LYPD6B: variants seen among roughly 807,000 people sequenced by gnomAD.
LYPD6B encodes the protein ly6/PLAUR domain-containing protein 6B.
A neutral mutation model predicts 22.8 loss-of-function variants in LYPD6B; 17 were observed. The observed-to-expected ratio is 0.75, with a 90% CI of 0.51 to 1.12. The LOEUF (loss-of-function observed/expected upper bound fraction) is 1.12, where lower values mean the gene tolerates loss of function less well. Ranked by LOEUF, LYPD6B falls within the 50% of genes most tolerant of loss-of-function variation. The pLI, the probability that LYPD6B is intolerant of heterozygous loss-of-function variation, is 0.00. For synonymous variants in LYPD6B, 106 were observed against 91.6 expected (o/e 1.16, Z -0.90); for missense variants, 221 against 258.3 (o/e 0.86, Z 0.99).
intron 1 of LYPD6B, among the ~76,000 whole-genome samples, chr2:149,089,815 C>T (rs1313522782): frequency 2.0e-5 from 3 of 152,000 alleles, no homozygotes; most frequent in Non-Finnish European, 4.4e-5. Flanking sequence ...TTCAATGGTT[C>T]AATAAAAAAG....
At chr2:149,137,577 T>C (rs925170308) in intron 2 of LYPD6B, among the ~76,000 whole-genome samples, 1 of 152,228 alleles carries the variant, frequency 6.6e-6, no homozygotes, top group Non-Finnish European at 1.5e-5. Flanking sequence ...ACTCATGTGC[T>C]TAGAACCATG....
intron 3 of LYPD6B, chr2:149,188,752 C>T: frequency 1.2e-6 from 1 of 859,324 alleles, no homozygotes; most frequent in Non-Finnish European, 1.4e-6. Flanking sequence ...ACATACTTAC[C>T]TCTAAGATGT....
chr2:149,189,210 C>G (rs900384415), intron 3 of LYPD6B, among the ~76,000 whole-genome samples: 2 of 151,500 alleles, frequency 1.3e-5, no homozygotes, highest in African/African-American at 4.9e-5. Flanking sequence ...CCCAGAACCT[C>G]AAATGTAGTC....
chr2:149,187,841 G>A (rs1692223563), intron 3 of LYPD6B, among the ~76,000 whole-genome samples: 1 of 152,250 alleles, frequency 6.6e-6, no homozygotes, highest in African/African-American at 2.4e-5. Context: ...CAGCCTGTGG[G>A]CCATGGGTTG....
At chr2:149,176,889 C>T (rs1691348065) in intron 3 of LYPD6B, among the ~76,000 whole-genome samples, 1 of 152,154 alleles carries the variant, frequency 6.6e-6, no homozygotes, top group South Asian at 2.1e-4. Flanking sequence ...ATGCTTTAAA[C>T]CAATAATAAC....
At chr2:149,198,206 T>C (rs900347898) in intron 3 of LYPD6B, among the ~76,000 whole-genome samples, 46 of 152,052 alleles carry the variant, frequency 3.0e-4, no homozygotes, top group Non-Finnish European at 2.4e-4. Context: ...CCAGCCGAGC[T>C]AATTTTTGTA....
At chr2:149,087,726 A>G (rs1452559772) in intron 1 of LYPD6B, among the ~76,000 whole-genome samples, 2 of 152,196 alleles carry the variant, frequency 1.3e-5, no homozygotes, top group African/African-American at 2.4e-5. Context: ...AGGAAATTCT[A>G]TAGCCTCTCA....
At chr2:149,198,002 G>C (rs926150959) in intron 3 of LYPD6B, among the ~76,000 whole-genome samples, 5 of 151,688 alleles carry the variant, frequency 3.3e-5, no homozygotes, top group Admixed American at 2.6e-4. Context: ...TTTTTAAAGG[G>C]AGTTTCTAAT....
chr2:149,107,620 C>T (rs1258824202), intron 1 of LYPD6B, among the ~76,000 whole-genome samples: 1 of 152,182 alleles, frequency 6.6e-6, no homozygotes, highest in Non-Finnish European at 1.5e-5. Context: ...TAAACTTCCT[C>T]TTTGATGCCT....
At chr2:149,114,439 A>C (rs548047772) in intron 1 of LYPD6B, among the ~76,000 whole-genome samples, 1 of 152,318 alleles carries the variant, frequency 6.6e-6, no homozygotes, top group Non-Finnish European at 1.5e-5. Flanking sequence ...AAGACCCCAC[A>C]TATCTGAGAG....
At chr2:149,160,093 A>C (rs1020112529) in intron 2 of LYPD6B, among the ~76,000 whole-genome samples, 1 of 152,096 alleles carries the variant, frequency 6.6e-6, no homozygotes, top group Non-Finnish European at 1.5e-5. Context: ...ATTTGAGACT[A>C]CAGTGAGCTA....
At chr2:149,105,382 T>C (rs961850560) in intron 1 of LYPD6B, among the ~76,000 whole-genome samples, 4 of 152,182 alleles carry the variant, frequency 2.6e-5, no homozygotes, top group African/African-American at 7.2e-5. Context: ...GTATGGTGTA[T>C]ATAATGATTA....
chr2:149,202,690 C>G (rs960110599), intron 3 of LYPD6B, among the ~76,000 whole-genome samples: 19 of 152,142 alleles, frequency 1.2e-4, no homozygotes, highest in Admixed American at 1.1e-3. Context: ...ATAACAATAA[C>G]TTGTTATTTA....
At chr2:149,084,213 T>G (rs1685281660) in intron 1 of LYPD6B, among the ~76,000 whole-genome samples, 1 of 152,236 alleles carries the variant, frequency 6.6e-6, no homozygotes, top group Non-Finnish European at 1.5e-5. Context: ...AACCCTGTTT[T>G]TAAGTTTCCT....
At chr2:149,155,954 A>G (rs2105855137) in intron 2 of LYPD6B, among the ~76,000 whole-genome samples, 1 of 152,246 alleles carries the variant, frequency 6.6e-6, no homozygotes, top group South Asian at 2.1e-4. Flanking sequence ...GTTGCTGGTA[A>G]TCTCTTACTC....
intron 1 of LYPD6B, among the ~76,000 whole-genome samples, chr2:149,119,467 G>T (rs917099476): frequency 2.0e-5 from 3 of 152,214 alleles, no homozygotes; most frequent in Non-Finnish European, 1.5e-5. Context: ...TGGGAATGGG[G>T]AAAGTACATT....
chr2:149,073,388 C>T (rs1168647740), intron 1 of LYPD6B, among the ~76,000 whole-genome samples: 2 of 152,198 alleles, frequency 1.3e-5, no homozygotes, highest in Non-Finnish European at 1.5e-5. Flanking sequence ...TTTCCACCCT[C>T]ATGGTGTTTT....
chr2:149,120,727 T>A (rs1228210703), intron 1 of LYPD6B, among the ~76,000 whole-genome samples: 1 of 150,598 alleles, frequency 6.6e-6, no homozygotes, highest in Non-Finnish European at 1.5e-5. Context: ...CACGTCCAAA[T>A]ATGTGTTCTA....
At chr2:149,106,805 C>T (rs75028507) in intron 1 of LYPD6B, among the ~76,000 whole-genome samples, 2,678 of 151,950 alleles carry the variant, frequency 0.018, 46 homozygotes, top group South Asian at 0.029. Flanking sequence ...TTTTTAATTT[C>T]GTTTCTTCTG....
Sources: gnomAD v4.1 joint callset for allele counts (sites outside exome capture counted in the v4.1 genomes callset) on GRCh38, gnomAD v4.1.1 for gene constraint, MANE v1.5 for transcripts, NCBI Gene and HGNC (gene_info 2026-07-23, HGNC 2026-07-21) for gene names.